JCHAIN: variants seen among roughly 807,000 people sequenced by gnomAD.
JCHAIN encodes joining chain of multimeric IgA and IgM.
Under a neutral mutation model 11.1 loss-of-function variants are expected in JCHAIN, and 5 were observed. The observed-to-expected ratio is 0.45, with a 90% confidence interval of 0.24 to 0.95. The LOEUF is 0.95. Ranked by LOEUF, JCHAIN falls within the 40% of genes least tolerant of loss-of-function variation. The pLI, the probability that JCHAIN is intolerant of heterozygous loss-of-function variation, is 0.21. For missense variants in JCHAIN, 165 were observed against 192.7 expected, an observed-to-expected ratio of 0.86 and a Z score of 0.85; for synonymous variants, 51 against 67.8, an observed-to-expected ratio of 0.75 and a Z score of 1.22.
chr4:70,656,826 A>T (rs2148527317), intron 3 of JCHAIN, among the ~76,000 whole-genome samples: 1 of 152,318 alleles, frequency 6.6e-6, no homozygotes, highest in South Asian at 2.1e-4. Flanking sequence ...CCAACTGTAT[A>T]TCTGTCTAAA....
chr4:70,665,520 A>T (rs976971810), intron 1 of JCHAIN, among the ~76,000 whole-genome samples: 1 of 152,084 alleles, frequency 6.6e-6, no homozygotes, highest in African/African-American at 2.4e-5. Flanking sequence ...CTCAGCTACA[A>T]TGGGGCTACC....
rs1334029229 is a variant in JCHAIN at position 70,662,212 on chromosome 4, T to G, written c.68A>C (p.Gln23Pro). The change falls in exon 2 of 4, where the codon CAA (glutamine) becomes CCA (proline). Residue 23 changes from glutamine to proline, a missense_variant. Transcript: ENST00000254801. ...VFIKAVHVKA[Q>P]EDERIVLVDN... ...AACAAGAACAATCCTTTCATCTTCT[T>G]GGGCTTGAAAGGTAAACGTATTAAA... 6.2e-7 allele frequency: 1 copy of G among 1,612,920 alleles called. No homozygotes were observed. Among genetic ancestry groups the G allele is most frequent in the South Asian group, 1.1e-5 (1 of 90,944 alleles).
In JCHAIN at chr4:70,656,015, T is replaced by C; in HGVS notation, c.*314A>G. ...ACCTCCTGATTTTCAGTCCTTGAGT[T>C]TTATTTTCTCCCCTTGTTTATTTGT... On this transcript the variant is annotated 3_prime_UTR_variant, in exon 4 of 4. Coordinates refer to ENST00000254801, the MANE Select transcript of JCHAIN (RefSeq NM_144646.4). 1 of 198,076 alleles carries C rather than the reference T, an allele frequency of 5.0e-6. No individual in the cohort carries two copies. The highest frequency in any genetic ancestry group is 1.0e-5 in the Non-Finnish European group (1 of 99,016). 12.3% of individuals were successfully genotyped at this position (198,076 alleles called of 1,614,324 possible). A position where few individuals can be genotyped will look rare whatever the true frequency, so the allele number is the denominator to read the frequency against.
rs11290121 is a variant in JCHAIN at position 70,660,378 on chromosome 4, A to ATT, written c.188+1712_188+1713dup. Among the ~76,000 whole-genome samples, 947 of 134,176 alleles carry ATT rather than the reference A, an allele frequency of 7.1e-3. 9 individuals are homozygous for ATT. Among genetic ancestry groups the ATT allele is most frequent in the African/African-American group, 0.019 (681 of 35,400 alleles). 88.0% of individuals were successfully genotyped at this position (134,176 alleles called of 152,430 possible). On this transcript the variant is annotated intron_variant, in intron 2 of 3. Coordinates refer to ENST00000254801, the MANE Select transcript of JCHAIN (RefSeq NM_144646.4). The stretch of plus-strand genomic sequence containing the variant: ...AATAGAGACACTACAGCAGTGCTGA[A>ATT]TTTTTTTTTTTTTTTTTTTTTGAGA...
rs1738947788 is a variant in JCHAIN at position 70,656,213 on chromosome 4, C to T, written c.*116G>A. On this transcript the variant is annotated 3_prime_UTR_variant, in exon 4 of 4. Coordinates refer to ENST00000254801, the MANE Select transcript of JCHAIN (RefSeq NM_144646.4). The stretch of plus-strand genomic sequence containing the variant: ...TGGCAGGGAGTTGGTTTTACATCAC[C>T]CAAAAAAAAAAAAAAGCCCTGGTTT... 1.4e-6 allele frequency: 1 copy of T among 691,308 alleles called. No homozygotes were observed. The highest frequency in any genetic ancestry group is 2.4e-6 in the Non-Finnish European group (1 of 415,324). The allele number at this position is 691,308 out of a possible 1,614,324, so 42.8% of individuals were successfully genotyped here. A position where few individuals can be genotyped will look rare whatever the true frequency, so the allele number is the denominator to read the frequency against.
chr4:70,659,375 C>A (rs1739011231), intron 2 of JCHAIN, among the ~76,000 whole-genome samples: 1 of 150,868 alleles, frequency 6.6e-6, no homozygotes, highest in Non-Finnish European at 1.5e-5. Context: ...CATGATGAAA[C>A]CTTGTCTCTA....
chr4:70,661,071 A>G (rs1739048215), intron 2 of JCHAIN, among the ~76,000 whole-genome samples: 1 of 152,232 alleles, frequency 6.6e-6, no homozygotes, highest in African/African-American at 2.4e-5. Flanking sequence ...AGAACTTAAA[A>G]CAAAATTCTT....
intron 1 of JCHAIN, chr4:70,665,796 T>A (rs369057417): frequency 5.3e-6 from 1 of 189,548 alleles, no homozygotes. Flanking sequence ...ACAGACTCAG[T>A]GATAGGAACA....
chr4:70,657,430 G>T (rs576304035), intron 2 of JCHAIN, 139 bp from the exon 3 acceptor site: 4 of 397,870 alleles, frequency 1.0e-5, no homozygotes, highest in African/African-American at 6.2e-5. Flanking sequence ...GAGTAATACC[G>T]TTACTCAGAT....
chr4:70,658,880 TTTAA>T (rs1739003405), intron 2 of JCHAIN, among the ~76,000 whole-genome samples: 1 of 152,334 alleles, frequency 6.6e-6, no homozygotes, highest in East Asian at 1.9e-4. Context: ...TAATTGCCGT[TTTAA>T]TTGTTTACGG....
At chr4:70,657,363 C>T (rs1045510114) in intron 2 of JCHAIN, 72 bp from the exon 3 acceptor site, 12 of 883,380 alleles carry the variant, frequency 1.4e-5, no homozygotes, top group Non-Finnish European at 1.9e-5. Context: ...AATGAGTATA[C>T]GGCCACTATT....
At chr4:70,658,603 C>T (rs1648087908) in intron 2 of JCHAIN, among the ~76,000 whole-genome samples, 4 of 152,160 alleles carry the variant, frequency 2.6e-5, no homozygotes, top group Non-Finnish European at 5.9e-5. Context: ...ACGTGATGAT[C>T]TCATATAATC....
chr4:70,663,353 G>A (rs1420950471), intron 1 of JCHAIN: 1 of 151,668 alleles, frequency 6.6e-6, no homozygotes, highest in Non-Finnish European at 1.5e-5. Flanking sequence ...ATCACACCTG[G>A]CTAGATCTTT....
At chr4:70,660,848 T>C (rs1216969923) in intron 2 of JCHAIN, among the ~76,000 whole-genome samples, 2 of 152,184 alleles carry the variant, frequency 1.3e-5, no homozygotes, top group Non-Finnish European at 2.9e-5. Context: ...GTGACAATAA[T>C]TGGCACATAG....
chr4:70,663,872 T>C (rs1739104582), intron 1 of JCHAIN, among the ~76,000 whole-genome samples: 1 of 151,802 alleles, frequency 6.6e-6, no homozygotes, highest in East Asian at 2.0e-4. Flanking sequence ...ATTACCAGAT[T>C]TTAAAAATTC....
chr4:70,657,563 G>A (rs907651164), intron 2 of JCHAIN, among the ~76,000 whole-genome samples: 45 of 151,978 alleles, frequency 3.0e-4, no homozygotes, highest in African/African-American at 1.1e-3. Context: ...CTCAACTCAC[G>A]TTTTACCTCT....
At chr4:70,657,818 T>A (rs1259609518) in intron 2 of JCHAIN, among the ~76,000 whole-genome samples, 1 of 152,080 alleles carries the variant, frequency 6.6e-6, no homozygotes, top group Non-Finnish European at 1.5e-5. Flanking sequence ...GATATTATTA[T>A]CCAGATTTTA....
intron 1 of JCHAIN, 88 bp from the exon 2 acceptor site, chr4:70,662,303 GA>G: frequency 8.4e-7 from 1 of 1,197,222 alleles, no homozygotes; most frequent in Non-Finnish European, 1.2e-6. Context: ...CTTGCCTGCA[GA>G]AAAATAGTTT....
chr4:70,665,456 T>A (rs1257408509), intron 1 of JCHAIN, among the ~76,000 whole-genome samples: 1 of 152,174 alleles, frequency 6.6e-6, no homozygotes, highest in Non-Finnish European at 1.5e-5. Context: ...ATGGTTCTAC[T>A]TATGATTTTT....
Sources: allele counts gnomAD v4.1 joint callset (sites outside exome capture counted in the v4.1 genomes callset), GRCh38; gene constraint gnomAD v4.1.1; transcripts MANE v1.5; gene names NCBI Gene and HGNC (gene_info 2026-07-23, HGNC 2026-07-21).